The following PKHD1 variants were observed in gnomAD, a reference collection of about 807,000 sequenced individuals.
PKHD1 encodes fibrocystin.
Under a neutral mutation model 412.0 loss-of-function variants are expected in PKHD1, and 291 were observed. The observed-to-expected ratio is 0.71, with a 90% CI of 0.64 to 0.78. The LOEUF is 0.78. Ranked by LOEUF, PKHD1 falls within the 30% of genes least tolerant of loss-of-function variation. The probability of loss-of-function intolerance (pLI) is 0.00; values close to 1 mark genes in which losing one functional copy is unlikely to be tolerated. For missense variants in PKHD1, 4,825 were observed against 4,950.7 expected (o/e 0.97, Z 0.76); for synonymous variants, 1,777 against 1,821.5 (o/e 0.98, Z 0.62).
chr6:51,663,314 T>C (rs1773167419), intron 60 of PKHD1, among the ~76,000 whole-genome samples: 1 of 152,134 alleles, frequency 6.6e-6, no homozygotes, highest in South Asian at 2.1e-4. Flanking sequence ...TCTGGCTTTG[T>C]TCTTCCTACT....
intron 59 of PKHD1, among the ~76,000 whole-genome samples, chr6:51,745,269 C>T (rs573859319): frequency 2.4e-4 from 37 of 152,206 alleles, no homozygotes; most frequent in Non-Finnish European, 1.5e-5. Context: ...GAAACTTAAT[C>T]CTTAATGAAA....
intron 36 of PKHD1, among the ~76,000 whole-genome samples, chr6:51,937,979 T>C (rs1272407): frequency 0.7 from 107,061 of 152,134 alleles, 38,174 homozygotes; most frequent in East Asian, 0.94. Context: ...TGGCTGGCTT[T>C]GCTCATTCCT....
At chr6:51,889,887 G>A (rs1460783776) in intron 43 of PKHD1, among the ~76,000 whole-genome samples, 1 of 152,174 alleles carries the variant, frequency 6.6e-6, no homozygotes, top group African/African-American at 2.4e-5. Context: ...GGAAGCCACT[G>A]CTGAAAACTG....
chr6:51,905,953 C>G (rs1214918144), intron 41 of PKHD1, among the ~76,000 whole-genome samples: 2 of 152,136 alleles, frequency 1.3e-5, no homozygotes, highest in African/African-American at 4.8e-5. Context: ...GTGAAAATTA[C>G]TGGTAGTAAA....
In PKHD1 at chr6:51,746,800, G is replaced by A. The variant is rs755814539; in HGVS notation, c.9919C>T (p.His3307Tyr). The A allele has an allele frequency of 1.9e-6, 3 of 1,610,024 alleles. No homozygotes were observed. In the Admixed American group the frequency reaches 5.0e-5, roughly 27 times the overall value. Residue 3307 changes from histidine (H) to tyrosine (Y), a missense_variant, in exon 59 of 67, where the codon CAC becomes TAC. Physicochemically the swap from His to Tyr is moderately conservative, Grantham distance 83 (BLOSUM62 2). Coordinates refer to ENST00000371117, the MANE Select transcript of PKHD1 (RefSeq NM_138694.4). ...LPNAENSGIMHPITAERTRML... is the reference protein window; with the variant it reads ...LPNAENSGIMYPITAERTRML... ...CTGGTCCTCTCTGCTGTTATTGGGT[G>A]CATAATTCCACTGTTCTCTGCATTT...
chr6:51,978,222 G>T (rs1237136964), intron 35 of PKHD1, among the ~76,000 whole-genome samples: 2 of 152,222 alleles, frequency 1.3e-5, no homozygotes, highest in Admixed American at 6.5e-5. Flanking sequence ...AGGTTTCCAA[G>T]CCATCTAGGG....
At position 52,022,870 on chromosome 6, in the gene PKHD1, C is replaced by T; in HGVS notation, c.5311G>A (p.Gly1771Ser). The part of the protein sequence containing the change: ...SPGNVSAAVC[G>S]APCRVLANAT... ...TTAGCCAGGACTCGGCAGGGAGCAC[C>T]ACACACAGCAGCTGAGACATTCCCT... is the stretch of plus-strand genomic sequence containing the variant. The change falls in exon 33 of 67, where the codon GGT becomes AGT. Residue 1771 changes from glycine to serine, a missense_variant. Transcript: ENST00000371117. The T allele has an allele frequency of 1.2e-6, 2 of 1,614,102 alleles. No individual in the cohort carries two copies. The highest frequency in any genetic ancestry group is 1.1e-5 in the South Asian group (1 of 91,080).
At chr6:52,073,062 T>C (rs1810862588) in intron 7 of PKHD1, among the ~76,000 whole-genome samples, 1 of 152,182 alleles carries the variant, frequency 6.6e-6, no homozygotes, top group South Asian at 2.1e-4. Flanking sequence ...ACCCCACTAA[T>C]ACAATTTTTA....
intron 52 of PKHD1, among the ~76,000 whole-genome samples, chr6:51,827,617 T>C (rs976095278): frequency 3.9e-5 from 6 of 152,098 alleles, no homozygotes; most frequent in South Asian, 2.1e-4. Flanking sequence ...TGCCTCTTCT[T>C]CCATGAAGCC....
At chr6:51,668,220 A>C (rs4449621) in intron 60 of PKHD1, among the ~76,000 whole-genome samples, 35,431 of 151,186 alleles carry the variant, frequency 0.23, 4,750 homozygotes, top group African/African-American at 0.39. Context: ...CTTTTATTTC[A>C]TTGAGCAGTG....
intron 35 of PKHD1, among the ~76,000 whole-genome samples, chr6:51,984,249 T>C (rs1386201349): frequency 6.6e-6 from 1 of 152,214 alleles, no homozygotes; most frequent in South Asian, 2.1e-4. Context: ...ACCTGAAAGA[T>C]TGCATGGATT....
At chr6:51,683,345 C>G (rs1175279676) in intron 60 of PKHD1, among the ~76,000 whole-genome samples, 1 of 151,988 alleles carries the variant, frequency 6.6e-6, no homozygotes, top group African/African-American at 2.4e-5. Flanking sequence ...CACTGGGAGA[C>G]AGAATGGCTT....
At chr6:51,700,169 T>G (rs1779265807) in intron 60 of PKHD1, among the ~76,000 whole-genome samples, 1 of 151,972 alleles carries the variant, frequency 6.6e-6, no homozygotes, top group South Asian at 2.1e-4. Flanking sequence ...TGGTACAAAT[T>G]AGAAACTAAT....
rs727504088 is a variant in PKHD1, at chr6:52,035,671, T to C, written c.3148A>G (p.Ile1050Val). 1.7e-5 allele frequency: 27 copies of C among 1,613,772 alleles called. No homozygotes were observed. In the Admixed American group the frequency reaches 4.2e-4, roughly 25 times the overall value. ...RGSSLEGVSL[I>V]LFGSYSCAIN... is the part of the protein sequence containing the mutation. Reference sequence around the variant, plus strand: ...GCACACGAGTAAGATCCAAATAATATCAGGCTAACACCTTCCAAACTAGAG... The same window carrying C: ...GCACACGAGTAAGATCCAAATAATACCAGGCTAACACCTTCCAAACTAGAG... Residue 1050 changes from isoleucine to valine, a missense_variant, in exon 28 of 67, where the codon ATA becomes GTA. By Grantham distance (29) the Ile-to-Val change is conservative (BLOSUM62 3). Transcript: ENST00000371117.
chr6:51,964,056 C>A lies in PKHD1; in HGVS notation c.5752-4030G>T, dbSNP rs897590729. Among the ~76,000 whole-genome samples the A allele has an allele frequency of 9.2e-5, 14 of 151,936 alleles. 1 individual carries two copies. The highest frequency in any genetic ancestry group is 4.4e-5 in the Non-Finnish European group (3 of 67,954). The stretch of plus-strand genomic sequence containing the variant: ...TTTGCATCTAGCCCCAAATAAACCC[C>A]AAAAAAAGCAGAAAAAAACTTTCCT... On this transcript the variant is annotated intron_variant, in intron 35 of 66. Transcript: ENST00000371117.
chr6:51,903,460 A>T (rs1781576976), intron 43 of PKHD1, 137 bp downstream of exon 43: 1 of 740,502 alleles, frequency 1.4e-6, no homozygotes, highest in Non-Finnish European at 2.4e-6. Context: ...AGTGCATTTT[A>T]TGTGTGACCC....
intron 49 of PKHD1, among the ~76,000 whole-genome samples, chr6:51,854,150 G>T (rs561831851): frequency 6.6e-6 from 1 of 151,834 alleles, no homozygotes; most frequent in East Asian, 1.9e-4. Context: ...TGTTGTTGTC[G>T]CTTTCTGCTT....
chr6:51,784,043 T>C (rs981734760), intron 53 of PKHD1, among the ~76,000 whole-genome samples: 2 of 152,212 alleles, frequency 1.3e-5, no homozygotes, highest in Non-Finnish European at 2.9e-5. Flanking sequence ...CAGCATATTA[T>C]CAGAATTCTA....
At chr6:52,070,247 T>C (rs1214122959) in intron 10 of PKHD1, among the ~76,000 whole-genome samples, 159 bp downstream of exon 10, 5 of 152,146 alleles carry the variant, frequency 3.3e-5, no homozygotes, top group Admixed American at 2.0e-4. Context: ...TTCACCCAGG[T>C]AAAAAAGTCA....
Sources: gnomAD v4.1 joint callset for allele counts (sites outside exome capture counted in the v4.1 genomes callset) on GRCh38, gnomAD v4.1.1 for gene constraint, MANE v1.5 for transcripts, NCBI Gene and HGNC (gene_info 2026-07-23, HGNC 2026-07-21) for gene names.